The following CACNA1A variants were observed in gnomAD, a reference collection of about 807,000 sequenced individuals.
CACNA1A encodes calcium voltage-gated channel subunit alpha1 A, also known as voltage-dependent P/Q-type calcium channel subunit alpha-1A.
Under a neutral mutation model 262.4 loss-of-function variants are expected in CACNA1A, and 57 were observed. The ratio of observed to expected loss-of-function variants is 0.22; its 90% confidence interval spans 0.18 to 0.27. The LOEUF is 0.27. Ranked by LOEUF, CACNA1A falls within the 10% of genes least tolerant of loss-of-function variation. CACNA1A has a pLI of 1.00. For synonymous variants in CACNA1A, 1,431 were observed against 1,419.3 expected (o/e 1.01, Z -0.18); for missense variants, 2,526 against 3,562.8 (o/e 0.71, Z 7.41).
intron 6 of CACNA1A, among the ~76,000 whole-genome samples, chr19:13,341,371 G>A (rs1324458238): frequency 6.6e-6 from 1 of 152,152 alleles, no homozygotes; most frequent in Middle Eastern, 3.4e-3. Context: ...CCTGAACTGC[G>A]AGAGAATAAA....
At chr19:13,402,739 T>C (rs1237834385) in intron 3 of CACNA1A, among the ~76,000 whole-genome samples, 2 of 145,156 alleles carry the variant, frequency 1.4e-5, no homozygotes, top group African/African-American at 2.5e-5. Flanking sequence ...TATACATATA[T>C]ATACACATAT....
intron 1 of CACNA1A, among the ~76,000 whole-genome samples, chr19:13,460,187 G>A (rs1366751659): frequency 6.6e-6 from 1 of 152,190 alleles, no homozygotes; most frequent in Non-Finnish European, 1.5e-5. Flanking sequence ...TGCAGCCTTA[G>A]ACCTTGCATC....
chr19:13,279,486 A>C (rs1340084713), intron 22 of CACNA1A, among the ~76,000 whole-genome samples: 2 of 151,692 alleles, frequency 1.3e-5, no homozygotes, highest in African/African-American at 4.9e-5. Flanking sequence ...GCGTTCATTT[A>C]TTTTTTAATT....
chr19:13,427,802 CAAACAT>C (rs2060431227), intron 3 of CACNA1A, among the ~76,000 whole-genome samples: 1 of 152,096 alleles, frequency 6.6e-6, no homozygotes, highest in Admixed American at 6.5e-5. Context: ...AACAAACAAA[CAAACAT>C]ACACACACAC....
At chr19:13,226,389 G>A (rs2055449240) in intron 37 of CACNA1A, 1 of 152,164 alleles carries the variant, frequency 6.6e-6, no homozygotes, top group Non-Finnish European at 1.5e-5. Flanking sequence ...GGTTAGGTGA[G>A]GAGGGGTGCA....
chr19:13,383,646 G>C (rs780067851), intron 3 of CACNA1A, among the ~76,000 whole-genome samples: 1 of 152,084 alleles, frequency 6.6e-6, no homozygotes. Context: ...TATATTGGCT[G>C]TCTCCTCTGC....
chr19:13,499,366 G>A (rs554438174), intron 1 of CACNA1A, among the ~76,000 whole-genome samples: 33 of 147,088 alleles, frequency 2.2e-4, no homozygotes, highest in African/African-American at 6.1e-4. Flanking sequence ...CAGAGAGAAC[G>A]GAGAATGCAA....
intron 3 of CACNA1A, among the ~76,000 whole-genome samples, chr19:13,406,467 A>T (rs540176622): frequency 0.14 from 1,453 of 10,680 alleles, 58 homozygotes; most frequent in African/African-American, 0.36. Flanking sequence ...AAAAAAAATT[A>T]TATATATATA....
chr19:13,344,428 T>A (rs2058726970), intron 6 of CACNA1A, among the ~76,000 whole-genome samples: 1 of 152,140 alleles, frequency 6.6e-6, no homozygotes. Flanking sequence ...TTCTTATCAC[T>A]CAACCTTAGA....
rs146095824 is a variant in CACNA1A at position 13,320,237 on chromosome 19, C to CGAGAGAGAGAGAGAGAGAGA, written c.1346-2936_1346-2917dup. Among the ~76,000 whole-genome samples the CGAGAGAGAGAGAGAGAGAGA allele has an allele frequency of 3.7e-4, 47 of 127,248 alleles. 1 individual carries two copies. The highest frequency in any genetic ancestry group is 2.0e-3 in the East Asian group (8 of 3,952). The allele number at this position is 127,248 out of a possible 152,430, so 83.5% of individuals were successfully genotyped here. On this transcript the variant is annotated intron_variant, in intron 10 of 46. Transcript: ENST00000360228. ...GGGACAGGGGGGATGTTCCACAGAT[C>CGAGAGAGAGAGAGAGAGAGA]GAGAGAGAGAGAGAGAGAGAGAGAG... is the stretch of plus-strand genomic sequence containing the variant.
chr19:13,370,222 T>A (rs1207217539), intron 4 of CACNA1A, among the ~76,000 whole-genome samples: 1 of 151,844 alleles, frequency 6.6e-6, no homozygotes, highest in African/African-American at 2.4e-5. Context: ...TGCCTCAGCC[T>A]CCCGAGTAGC....
chr19:13,376,819 G>GAC (rs2059422046), intron 3 of CACNA1A, among the ~76,000 whole-genome samples: 1 of 77,686 alleles, frequency 1.3e-5, no homozygotes, highest in East Asian at 2.6e-4. Context: ...TGTTATGTGT[G>GAC]ATATATAACA....
intron 19 of CACNA1A, among the ~76,000 whole-genome samples, chr19:13,297,286 GCTTCT>G (rs1158000205): frequency 1.3e-5 from 2 of 152,200 alleles, no homozygotes; most frequent in African/African-American, 4.8e-5. Context: ...CGACAGTGGG[GCTTCT>G]CTTAATAGTT....
chr19:13,225,048 A>G, intron 37 of CACNA1A: 1 of 375,920 alleles, frequency 2.7e-6, no homozygotes, highest in Non-Finnish European at 4.9e-6. Flanking sequence ...GGTTTGCCTC[A>G]ACCCTTGCCC....
chr19:13,376,876 A>C (rs1281649608), intron 3 of CACNA1A, among the ~76,000 whole-genome samples: 2 of 141,904 alleles, frequency 1.4e-5, no homozygotes, highest in Non-Finnish European at 3.1e-5. Flanking sequence ...TGATATATAT[A>C]ACACATGATA....
rs1272428504 is a variant in CACNA1A at position 13,390,909 on chromosome 19, A to T, written c.540-19130T>A. 2.0e-5 allele frequency among the ~76,000 whole-genome samples: 3 copies of T among 151,210 alleles called. No homozygotes were observed. The East Asian group carries it at 5.8e-4, about 29-fold the overall frequency. On this transcript the variant is annotated intron_variant, in intron 3 of 46. Transcript: ENST00000360228. ...CTGCTATTGCATCTTTTTTTTTTGG[A>T]CGGAGTCTTGCTTTGTCGCTAGACT... is the stretch of plus-strand genomic sequence containing the variant.
At chr19:13,286,355 G>A (rs1163357743) in intron 20 of CACNA1A, 148 bp downstream of exon 20, 1 of 460,326 alleles carries the variant, frequency 2.2e-6, no homozygotes, top group Non-Finnish European at 3.8e-6. Flanking sequence ...ACAGCCCTGT[G>A]GGGTAGGAAA....
At chr19:13,211,642 G>A (rs934676212) in intron 43 of CACNA1A, 4 of 187,106 alleles carry the variant, frequency 2.1e-5, no homozygotes, top group Admixed American at 5.4e-5. Flanking sequence ...ATATGCCCAC[G>A]TGCACACACG....
intron 1 of CACNA1A, among the ~76,000 whole-genome samples, chr19:13,485,308 T>C (rs1979841509): frequency 6.6e-6 from 1 of 152,122 alleles, no homozygotes; most frequent in Non-Finnish European, 1.5e-5. Context: ...AATATATCCA[T>C]GGCCTCAGGG....
Sources: gnomAD v4.1 joint callset for allele counts (sites outside exome capture counted in the v4.1 genomes callset) on GRCh38, gnomAD v4.1.1 for gene constraint, MANE v1.5 for transcripts, NCBI Gene and HGNC (gene_info 2026-07-23, HGNC 2026-07-21) for gene names.